The following CHM variants were observed in gnomAD, a reference collection of about 807,000 sequenced individuals.
The protein encoded by CHM is rab proteins geranylgeranyltransferase component A 1.
In CHM, 10 loss-of-function variants were observed where a neutral mutation model predicts 49.0. The ratio of observed to expected loss-of-function variants is 0.20; its 90% confidence interval spans 0.13 to 0.35. The LOEUF (loss-of-function observed/expected upper bound fraction) is 0.35, where lower values mean the gene tolerates loss of function less well. Ranked by LOEUF, CHM falls within the 10% of genes least tolerant of loss-of-function variation. The probability of loss-of-function intolerance (pLI) is 1.00; values close to 1 mark genes in which losing one functional copy is unlikely to be tolerated. For missense variants in CHM, 455 were observed against 478.4 expected (o/e 0.95, Z 0.46); for synonymous variants, 184 against 167.5 (o/e 1.10, Z -0.76).
At position 85,922,148 on chromosome X, in the gene CHM, T is replaced by C. The variant is rs148317834; in HGVS notation, c.1167-10810A>G. On this transcript the variant is annotated intron_variant, in intron 8 of 14. Coordinates refer to ENST00000357749, the MANE Select transcript of CHM (RefSeq NM_000390.4). ...ACTATATACTGTAGATCAGATAGCA[T>C]GTTTGTGGGTTACATACTTATATTG... 7.9e-3 allele frequency among the ~76,000 whole-genome samples: 884 copies of C among 112,418 alleles called. 6 individuals carry two copies. Among genetic ancestry groups the C allele is most frequent in the African/African-American group, 0.026 (803 of 30,980 alleles).
intron 2 of CHM, among the ~76,000 whole-genome samples, chrX:85,998,439 C>T (rs1053838834): frequency 1.8e-5 from 2 of 111,628 alleles, no homozygotes; most frequent in Non-Finnish European, 3.8e-5. Context: ...TTCATGTATA[C>T]AGATGTGCCT....
chrX:85,961,447 GTAGGGCTT>G (rs1174040172), intron 5 of CHM, among the ~76,000 whole-genome samples: 2 of 104,938 alleles, frequency 1.9e-5, no homozygotes, highest in Admixed American at 2.1e-4. Flanking sequence ...AAAAAAGGAG[GTAGGGCTT>G]TAGGGCTTTA....
chrX:85,961,204 G>A (rs888921119), intron 5 of CHM, among the ~76,000 whole-genome samples: 1 of 110,056 alleles, frequency 9.1e-6, no homozygotes, highest in Non-Finnish European at 1.9e-5. Context: ...GGCAGGTCAC[G>A]GGGTCAAGAG....
intron 4 of CHM, 181 bp downstream of exon 4, chrX:85,978,586 A>C: frequency 2.8e-6 from 1 of 362,749 alleles, no homozygotes; most frequent in Non-Finnish European, 4.8e-6. Context: ...GCGTTAAGGT[A>C]AAATGTTATC....
chrX:85,988,930 C>T (rs1384336851), intron 2 of CHM, among the ~76,000 whole-genome samples: 2 of 111,856 alleles, frequency 1.8e-5, no homozygotes, highest in Middle Eastern at 4.6e-3. Flanking sequence ...CTGCCCAAAG[C>T]GATTTACAGA....
chrX:86,033,543 T>C (rs1934120936), intron 1 of CHM, among the ~76,000 whole-genome samples: 1 of 112,221 alleles, frequency 8.9e-6, no homozygotes, highest in African/African-American at 3.2e-5. Context: ...GAAAACTTGA[T>C]TGAGCAATGA....
chrX:85,956,933 A>G (rs747084133), intron 7 of CHM, among the ~76,000 whole-genome samples: 5 of 112,030 alleles, frequency 4.5e-5, no homozygotes, highest in African/African-American at 1.6e-4. Flanking sequence ...TTAAACCAAG[A>G]ACAGAATATA....
intron 4 of CHM, among the ~76,000 whole-genome samples, chrX:85,967,660 T>A (rs1930655616): frequency 8.9e-6 from 1 of 112,347 alleles, no homozygotes; most frequent in African/African-American, 3.2e-5. Context: ...AAAATTGATT[T>A]CACAAATTAA....
intron 2 of CHM, among the ~76,000 whole-genome samples, chrX:86,014,646 A>G (rs1933215360): frequency 8.9e-6 from 1 of 112,588 alleles, no homozygotes; most frequent in Non-Finnish European, 1.9e-5. Context: ...AGTGGCCAAG[A>G]AAAATCCTGC....
chrX:85,939,670 G>A (rs763916280), intron 8 of CHM, among the ~76,000 whole-genome samples: 1 of 112,343 alleles, frequency 8.9e-6, no homozygotes, highest in Non-Finnish European at 1.9e-5. Flanking sequence ...GAGGATATGC[G>A]TATGTGCACA....
At chrX:86,022,285 C>T (rs1356282265) in intron 2 of CHM, among the ~76,000 whole-genome samples, 1 of 111,882 alleles carries the variant, frequency 8.9e-6, no homozygotes, top group African/African-American at 3.2e-5. Context: ...GCAGACATGA[C>T]AGATAGAGCT....
intron 8 of CHM, among the ~76,000 whole-genome samples, chrX:85,938,912 C>T (rs760417372): frequency 1.9e-4 from 21 of 111,254 alleles, no homozygotes; most frequent in African/African-American, 5.9e-4. Context: ...TATAACCATG[C>T]GCCACATAAC....
At chrX:85,969,098 T>C (rs1030739984) in intron 4 of CHM, 45 of 683,853 alleles carry the variant, frequency 6.6e-5, no homozygotes, top group South Asian at 4.5e-4. Flanking sequence ...TTTAGATTCC[T>C]ATTGCAAAAA....
intron 12 of CHM, among the ~76,000 whole-genome samples, chrX:85,881,347 T>C (rs1924746951): frequency 8.9e-6 from 1 of 112,371 alleles, no homozygotes; most frequent in African/African-American, 3.2e-5. Flanking sequence ...CACATTAAGA[T>C]ATATCTATAA....
At chrX:85,957,402 T>C (rs1930059234) in intron 7 of CHM, among the ~76,000 whole-genome samples, 1 of 111,000 alleles carries the variant, frequency 9.0e-6, no homozygotes, top group Non-Finnish European at 1.9e-5. Context: ...CCTTTTTTTT[T>C]CAAACGAAAT....
At chrX:86,016,239 G>T (rs1341202694) in intron 2 of CHM, among the ~76,000 whole-genome samples, 10 of 110,858 alleles carry the variant, frequency 9.0e-5, no homozygotes, top group Admixed American at 3.8e-4. Context: ...CTGACAATGT[G>T]ATAGAAAAAA....
chrX:85,914,336 T>C (rs1927327068), intron 8 of CHM, among the ~76,000 whole-genome samples: 1 of 110,745 alleles, frequency 9.0e-6, no homozygotes, highest in Admixed American at 9.6e-5. Context: ...ATTGGGCCGG[T>C]GTGATCTAAA....
intron 1 of CHM, among the ~76,000 whole-genome samples, chrX:86,030,961 C>T (rs1433270943): frequency 3.6e-5 from 4 of 110,707 alleles, no homozygotes; most frequent in African/African-American, 9.9e-5. Flanking sequence ...GTAATATTCC[C>T]TTATATGGAT....
intron 14 of CHM, among the ~76,000 whole-genome samples, chrX:85,870,593 G>A (rs1317710170): frequency 8.9e-6 from 1 of 111,893 alleles, no homozygotes; most frequent in Non-Finnish European, 1.9e-5. Flanking sequence ...AGAGGGTGGG[G>A]CTCCTGAAGG....
Sources: allele counts gnomAD v4.1 joint callset (sites outside exome capture counted in the v4.1 genomes callset), GRCh38; gene constraint gnomAD v4.1.1; transcripts MANE v1.5; gene names NCBI Gene and HGNC (gene_info 2026-07-23, HGNC 2026-07-21).